Variants in PIWIL4 observed in about 807,000 individuals in gnomAD.
PIWIL4 encodes piwi-like protein 4.
A neutral mutation model predicts 100.9 loss-of-function variants in PIWIL4; 50 were observed. The ratio of observed to expected loss-of-function variants is 0.50; its 90% CI spans 0.39 to 0.63. The LOEUF is 0.63. Among genes scored for constraint, PIWIL4 ranks in the 20% least tolerant of loss-of-function variants. The pLI, the probability that PIWIL4 is intolerant of heterozygous loss-of-function variation, is 0.00. For missense variants in PIWIL4, 887 were observed against 1,043.3 expected, an observed-to-expected ratio of 0.85 and a Z score of 2.06; for synonymous variants, 342 against 367.5, an observed-to-expected ratio of 0.93 and a Z score of 0.79.
At chr11:94,587,310 A>G in intron 7 of PIWIL4, 63 bp downstream of exon 7, 1 of 1,495,684 alleles carries the variant, frequency 6.7e-7, no homozygotes, top group Non-Finnish European at 9.2e-7. Context: ...ATTTGGGAAT[A>G]GGAATAGTGT....
chr11:94,583,337 C>A, intron 4 of PIWIL4, 111 bp from the exon 5 acceptor site: 6 of 1,185,956 alleles, frequency 5.1e-6, no homozygotes, highest in Non-Finnish European at 7.2e-6. Context: ...ATACTAACAC[C>A]TGCAGTTTTG....
intron 8 of PIWIL4, among the ~76,000 whole-genome samples, 166 bp downstream of exon 8, chr11:94,589,398 C>T (rs536102086): frequency 1.8e-4 from 28 of 152,246 alleles, no homozygotes; most frequent in South Asian, 4.2e-4. Flanking sequence ...TCCTGTTGAC[C>T]CTCATCCTAT....
chr11:94,598,558 C>T (rs983226864), intron 11 of PIWIL4, among the ~76,000 whole-genome samples: 10 of 152,078 alleles, frequency 6.6e-5, no homozygotes, highest in African/African-American at 1.9e-4. Context: ...CCTCCCCCTC[C>T]GTTTTGCCCA....
chr11:94,567,989 A>T (rs770689146), intron 1 of PIWIL4, among the ~76,000 whole-genome samples: 20 of 152,002 alleles, frequency 1.3e-4, no homozygotes, highest in Middle Eastern at 3.4e-3. Context: ...AAAAATAAGT[A>T]CTCTCACACA....
At chr11:94,577,012 G>A (rs1948246738) in intron 3 of PIWIL4, among the ~76,000 whole-genome samples, 1 of 152,190 alleles carries the variant, frequency 6.6e-6, no homozygotes, top group South Asian at 2.1e-4. Flanking sequence ...GAATGGTTGA[G>A]TTCAGATGCT....
chr11:94,581,481 A>C (rs1288175763), intron 4 of PIWIL4, among the ~76,000 whole-genome samples: 1 of 152,198 alleles, frequency 6.6e-6, no homozygotes, highest in Non-Finnish European at 1.5e-5. Context: ...TTAGCTAGGA[A>C]GGTGTGGGAG....
chr11:94,586,541 C>G (rs950870228), intron 6 of PIWIL4, among the ~76,000 whole-genome samples: 2 of 152,186 alleles, frequency 1.3e-5, no homozygotes, highest in South Asian at 4.1e-4. Flanking sequence ...ACTGCCCTCA[C>G]CTTTGAATTG....
In PIWIL4 at chr11:94,585,504, C is replaced by T. The variant is rs574384867; in HGVS notation, c.695C>T (p.Pro232Leu). The T allele has an allele frequency of 1.2e-6, 2 of 1,609,534 alleles. No homozygotes were observed. The highest frequency in any genetic ancestry group is 2.7e-5 in the African/African-American group (2 of 74,832). Residue 232 changes from proline (P) to leucine (L), a missense_variant, in exon 6 of 20, where the codon CCA becomes CTA. Around this residue, in one of 2 missense-constraint regions of PIWIL4, gnomAD observed 741 missense variants for 930.0 expected, o/e 0.80. Transcript: ENST00000299001. ...CGGAACTTCTATAATCCTTCAGAGC[C>T]AATGGAAATTCCCCAGCACAAGTAG... is the stretch of plus-strand genomic sequence containing the variant. Reference protein sequence around the residue: ...IGRNFYNPSEPMEIPQHKLSL... With the variant: ...IGRNFYNPSELMEIPQHKLSL...
intron 13 of PIWIL4, among the ~76,000 whole-genome samples, chr11:94,606,558 G>C (rs931779633): frequency 1.3e-4 from 20 of 152,158 alleles, no homozygotes; most frequent in Non-Finnish European, 2.9e-4. Flanking sequence ...GGCCAGGGGC[G>C]GTGGCTCACG....
In PIWIL4 at chr11:94,607,569, G is replaced by C; in HGVS notation, c.1769G>C (p.Ser590Thr). The C allele has an allele frequency of 6.2e-7, 1 of 1,614,134 alleles. No individual in the cohort carries two copies. Among genetic ancestry groups the C allele is most frequent in the Non-Finnish European group, 8.5e-7 (1 of 1,180,022 alleles). ...TTGAATAAACAGGGCATGATGATGA[G>C]TATCGCCACCAAGATCGCTATGCAG... is the stretch of plus-strand genomic sequence containing the variant. ...RTLNKQGMMM[S>T]IATKIAMQMT... Residue 590 changes from serine (S) to threonine (T), a missense_variant, in exon 14 of 20, where the codon AGT (serine) becomes ACT (threonine). Transcript: ENST00000299001.
intron 4 of PIWIL4, among the ~76,000 whole-genome samples, chr11:94,580,553 G>A (rs979522667): frequency 6.6e-6 from 1 of 152,168 alleles, no homozygotes; most frequent in African/African-American, 2.4e-5. Flanking sequence ...AGCCTACTCT[G>A]AACCTGGCAG....
At chr11:94,596,349 A>G (rs1565277579) in intron 10 of PIWIL4, among the ~76,000 whole-genome samples, 1 of 151,908 alleles carries the variant, frequency 6.6e-6, no homozygotes, top group East Asian at 1.9e-4. Context: ...AAGAGTGTGT[A>G]TGTGTGTTTA....
chr11:94,596,453 T>C (rs1948560685), intron 10 of PIWIL4, among the ~76,000 whole-genome samples: 1 of 152,218 alleles, frequency 6.6e-6, no homozygotes, highest in Non-Finnish European at 1.5e-5. Flanking sequence ...TGCAAACGCA[T>C]ATAATCCTAT....
chr11:94,567,618 C>A lies in PIWIL4; in HGVS notation c.87+13C>A. Reference sequence around the variant, plus strand: ...AGCCTCGCCATTGGTGTGTAGAATGCTTATTGCGCATGGTTTCGTTTTCTC... The same window carrying A: ...AGCCTCGCCATTGGTGTGTAGAATGATTATTGCGCATGGTTTCGTTTTCTC... On this transcript the variant is annotated intron_variant, in intron 1 of 19. Coordinates refer to ENST00000299001, the MANE Select transcript of PIWIL4 (RefSeq NM_152431.3). The A allele has an allele frequency of 6.3e-7, 1 of 1,584,484 alleles. No individual in the cohort carries two copies. The highest frequency in any genetic ancestry group is 8.6e-7 in the Non-Finnish European group (1 of 1,162,662).
At position 94,567,517 on chromosome 11, in the gene PIWIL4, A is replaced by G; in HGVS notation, c.-2A>G. The G allele has an allele frequency of 6.3e-7, 1 of 1,592,484 alleles. No individual in the cohort carries two copies. The highest frequency in any genetic ancestry group is 8.6e-7 in the Non-Finnish European group (1 of 1,169,518). On this transcript the variant is annotated 5_prime_UTR_variant, in exon 1 of 20. Transcript: ENST00000299001. ...TGTGGCCACTCTGGGCTCACCGGGA[A>G]CATGAGTGGAAGAGCCCGAGTGAAG... is the stretch of plus-strand genomic sequence containing the variant.
In PIWIL4 at chr11:94,619,831, T is replaced by C. The variant is rs777990014; in HGVS notation, c.2240T>C (p.Val747Ala). The C allele has an allele frequency of 6.2e-7, 1 of 1,614,226 alleles. No individual in the cohort carries two copies. Among genetic ancestry groups the C allele is most frequent in the Non-Finnish European group, 8.5e-7 (1 of 1,180,028 alleles). ...PRFFTEMNRT[V>A]QNPPLGTVVD... ...TTCTTTACCGAAATGAACCGCACTG[T>C]ACAGAACCCCCCACTTGGCACTGTT... Residue 747 changes from valine to alanine, a missense_variant, in exon 18 of 20, where the codon GTA (valine) becomes GCA (alanine). By Grantham distance (64) the Val-to-Ala change is moderately conservative. Around this residue, in one of 2 missense-constraint regions of PIWIL4, gnomAD observed 741 missense variants for 930.0 expected, o/e 0.80. Transcript: ENST00000299001.
chr11:94,568,882 C>G, intron 2 of PIWIL4, 74 bp downstream of exon 2: 2 of 1,283,492 alleles, frequency 1.6e-6, no homozygotes, highest in South Asian at 1.2e-5. Context: ...CCAGGCCTTA[C>G]AGCAGTAGGC....
rs544088347 is a variant in PIWIL4, at chr11:94,584,756, G to A, written c.636-689G>A. On this transcript the variant is annotated intron_variant, in intron 5 of 19. Coordinates refer to ENST00000299001, the MANE Select transcript of PIWIL4 (RefSeq NM_152431.3). ...TCATTTGGCAGTACCTGGGGAGCCT[G>A]AGCAGCCTCATTAGAAATAAGATCC... Among the ~76,000 whole-genome samples the A allele has an allele frequency of 2.0e-4, 30 of 152,248 alleles. No individual in the cohort carries two copies. The South Asian group carries it at 2.7e-3, about 14-fold the overall frequency.
chr11:94,580,890 CTTTT>C (rs956802836), intron 4 of PIWIL4, among the ~76,000 whole-genome samples: 3 of 78,968 alleles, frequency 3.8e-5, no homozygotes, highest in South Asian at 4.9e-4. Flanking sequence ...CTCTGCCAGG[CTTTT>C]TTTTTTTTTT....
Sources: gnomAD v4.1 joint callset for allele counts (sites outside exome capture counted in the v4.1 genomes callset) on GRCh38, gnomAD v4.1.1 for gene constraint, gnomAD v4.1.1 regional missense constraint, MANE v1.5 for transcripts, NCBI Gene and HGNC (gene_info 2026-07-23, HGNC 2026-07-21) for gene names.